The following TRABD2B variants were observed in gnomAD, a reference collection of about 807,000 sequenced individuals.
The protein encoded by TRABD2B is metalloprotease TIKI2.
TRABD2B carries 14 observed loss-of-function variants against 40.1 expected under a neutral mutation model. The observed-to-expected ratio is 0.35, with a 90% CI of 0.23 to 0.55. The LOEUF is 0.55. Among genes scored for constraint, TRABD2B ranks in the 20% least tolerant of loss-of-function variants. TRABD2B has a pLI of 0.90. For synonymous variants in TRABD2B, 263 were observed against 277.0 expected, an observed-to-expected ratio of 0.95 and a Z score of 0.50; for missense variants, 541 against 648.6, an observed-to-expected ratio of 0.83 and a Z score of 1.80.
intron 2 of TRABD2B, among the ~76,000 whole-genome samples, chr1:47,878,834 T>C (rs1644260727): frequency 6.6e-6 from 1 of 152,194 alleles, no homozygotes; most frequent in South Asian, 2.1e-4. Flanking sequence ...CAATGGCTCC[T>C]GCCTGTAATG....
chr1:47,776,565 C>T (rs1196856234), intron 5 of TRABD2B, among the ~76,000 whole-genome samples: 7 of 152,176 alleles, frequency 4.6e-5, no homozygotes, highest in East Asian at 1.9e-4. Context: ...ACACGTGCAC[C>T]GCTTAGCCCA....
At position 47,953,060 on chromosome 1, in the gene TRABD2B, A is replaced by AGGGGAACATTTGCTTG. The variant is rs528884490; in HGVS notation, c.666+40958_666+40973dup. ...AACTCAGCAATCCCTAGCTACCATTAGGGGAACATTTGCTTGGGGGAACAT... is the reference window on the plus strand; with the variant it reads ...AACTCAGCAATCCCTAGCTACCATTAGGGGAACATTTGCTTGGGGGAACATTTGCTTGGGGGAACAT... On this transcript the variant is annotated intron_variant, in intron 2 of 6. Transcript: ENST00000606738. Among the ~76,000 whole-genome samples the AGGGGAACATTTGCTTG allele has an allele frequency of 8.1e-3, 1,240 of 152,276 alleles. 12 individuals carry two copies. Among genetic ancestry groups the AGGGGAACATTTGCTTG allele is most frequent in the Middle Eastern group, 0.034 (10 of 294 alleles).
chr1:47,808,035 G>A (rs1270281696), intron 2 of TRABD2B, among the ~76,000 whole-genome samples: 1 of 152,200 alleles, frequency 6.6e-6, no homozygotes, highest in Non-Finnish European at 1.5e-5. Flanking sequence ...AGATGCTTCT[G>A]TGAAGGTACT....
chr1:47,996,735 C>T lies in TRABD2B; in HGVS notation c.55G>A (p.Ala19Thr), dbSNP rs1310490377. The change falls in exon 1 of 7, where the codon GCC (alanine) becomes ACC (threonine). Residue 19 changes from alanine to threonine, a missense_variant. Around this residue, in one of 2 missense-constraint regions of TRABD2B, gnomAD observed 369 missense variants for 492.8 expected, o/e 0.75. Transcript: ENST00000606738. The surrounding 1 kb of genome is among the most constrained non-coding windows in gnomAD (Gnocchi z 4.6). ...LLAALLATAR[A>T]RPQPPDGGQC... The stretch of plus-strand genomic sequence containing the variant: ...CCTCCGTCCGGGGGCTGCGGGCGGG[C>T]GCGAGCGGTGGCGAGGAGGGCGGCG... 8 of 1,226,478 alleles carry T rather than the reference C, an allele frequency of 6.5e-6. No individual in the cohort carries two copies. Among genetic ancestry groups the T allele is most frequent in the African/African-American group, 1.6e-5 (1 of 64,118 alleles). The allele number at this position is 1,226,478 out of a possible 1,614,324, so 76.0% of individuals were successfully genotyped here.
At chr1:47,822,458 A>AT (rs1645124140) in intron 2 of TRABD2B, among the ~76,000 whole-genome samples, 1 of 151,618 alleles carries the variant, frequency 6.6e-6, no homozygotes, top group African/African-American at 2.4e-5. Flanking sequence ...CACAGGGGTG[A>AT]TGAGGGGAGG....
At chr1:47,818,409 G>T (rs564535612) in intron 2 of TRABD2B, among the ~76,000 whole-genome samples, 2 of 152,334 alleles carry the variant, frequency 1.3e-5, no homozygotes, top group Admixed American at 1.3e-4. Context: ...GACAGGAGTG[G>T]GGTGTTCACA....
At chr1:47,914,726 C>T (rs953914029) in intron 2 of TRABD2B, among the ~76,000 whole-genome samples, 7 of 152,202 alleles carry the variant, frequency 4.6e-5, no homozygotes, top group Non-Finnish European at 1.0e-4. Flanking sequence ...TGGCACTGCT[C>T]AGAAGGCCTG....
At chr1:47,793,994 C>A (rs986102668) in intron 4 of TRABD2B, among the ~76,000 whole-genome samples, 2 of 152,144 alleles carry the variant, frequency 1.3e-5, no homozygotes, top group Non-Finnish European at 2.9e-5. Context: ...TTGCAGCTGC[C>A]TTTTTGAGTT....
intron 2 of TRABD2B, among the ~76,000 whole-genome samples, chr1:47,912,997 T>C (rs1195654632): frequency 6.6e-6 from 1 of 152,206 alleles, no homozygotes; most frequent in Non-Finnish European, 1.5e-5. Flanking sequence ...AGCAGGTTAC[T>C]GACTGATTTC....
At position 47,797,761 on chromosome 1, in the gene TRABD2B, A is replaced by G. The variant is rs561189357; in HGVS notation, c.814-3001T>C. The stretch of plus-strand genomic sequence containing the variant: ...GGGATGGAAGCAAATTAATGATGTC[A>G]TTAGACTTGTTGGGGGCCTTAAATC... On this transcript the variant is annotated intron_variant, in intron 3 of 6. Coordinates refer to ENST00000606738, the MANE Select transcript of TRABD2B (RefSeq NM_001194986.2). Among the ~76,000 whole-genome samples, 16 of 152,268 alleles carry G rather than the reference A, an allele frequency of 1.1e-4. No individual in the cohort carries two copies. In the East Asian group the frequency reaches 3.1e-3, roughly 29 times the overall value.
At chr1:47,795,721 C>T (rs1644739062) in intron 3 of TRABD2B, 1 of 985,198 alleles carries the variant, frequency 1.0e-6, no homozygotes, top group South Asian at 4.7e-5. Flanking sequence ...TTGATTTTCC[C>T]AATGCCTGAG....
In TRABD2B at chr1:47,770,722, TA is replaced by T. The variant is rs369187563; in HGVS notation, c.1349+4447del. On this transcript the variant is annotated intron_variant, in intron 6 of 6. Transcript: ENST00000606738. ...TCCTCTTCCTGTCCCTCACTAGCAC[TA>T]AATGCAGTATGTGCCCAATATGTTC... Among the ~76,000 whole-genome samples the T allele has an allele frequency of 1.0e-3, 158 of 152,344 alleles. 4 individuals carry two copies. The South Asian group carries it at 0.031, about 30-fold the overall frequency.
chr1:47,963,124 C>T (rs1233805153), intron 2 of TRABD2B, among the ~76,000 whole-genome samples: 1 of 152,262 alleles, frequency 6.6e-6, no homozygotes, highest in Non-Finnish European at 1.5e-5. Context: ...TGAGCACAGA[C>T]TGACTTAAAC....
At chr1:47,884,097 C>T (rs931439650) in intron 2 of TRABD2B, among the ~76,000 whole-genome samples, 14 of 152,338 alleles carry the variant, frequency 9.2e-5, no homozygotes, top group African/African-American at 3.1e-4. Flanking sequence ...GCCATAGAGC[C>T]TCTAGTCTCA....
chr1:47,993,303 T>C (rs1646039452), intron 2 of TRABD2B, among the ~76,000 whole-genome samples: 1 of 152,224 alleles, frequency 6.6e-6, no homozygotes, highest in African/African-American at 2.4e-5. Flanking sequence ...GGGCTTTTAA[T>C]GACATTTTGC....
intron 2 of TRABD2B, among the ~76,000 whole-genome samples, chr1:47,909,810 T>G (rs186637572): frequency 3.7e-5 from 1 of 27,044 alleles, no homozygotes; most frequent in Non-Finnish European, 7.0e-5. Context: ...CTTCCTCCCT[T>G]CCTTCCTTCC....
In TRABD2B at chr1:47,761,797, G is replaced by A. The variant is rs1205276959; in HGVS notation, c.*4105C>T. Reference sequence around the variant, plus strand: ...CATCCCCAGACAGCTTTGGCTTGGTGGAAATTATGCCACTGGTGGAACTAA... The same window carrying A: ...CATCCCCAGACAGCTTTGGCTTGGTAGAAATTATGCCACTGGTGGAACTAA... On this transcript the variant is annotated 3_prime_UTR_variant, in exon 7 of 7. Coordinates refer to ENST00000606738, the MANE Select transcript of TRABD2B (RefSeq NM_001194986.2). 1 of 152,226 alleles carries A rather than the reference G, an allele frequency of 6.6e-6. No homozygotes were observed. The highest frequency in any genetic ancestry group is 1.5e-5 in the Non-Finnish European group (1 of 68,080). The allele number at this position is 152,226 out of a possible 1,614,324, so 9.4% of individuals were successfully genotyped here.
chr1:47,976,302 A>C (rs1031131126), intron 2 of TRABD2B, among the ~76,000 whole-genome samples: 1 of 152,124 alleles, frequency 6.6e-6, no homozygotes, highest in African/African-American at 2.4e-5. Flanking sequence ...TTTGTAGAAA[A>C]ATCCAGGATC....
chr1:47,839,316 C>T (rs1238650558), intron 2 of TRABD2B, among the ~76,000 whole-genome samples: 1 of 152,120 alleles, frequency 6.6e-6, no homozygotes, highest in Non-Finnish European at 1.5e-5. Flanking sequence ...TAGCTCTGTG[C>T]ACACCTCCAC....
Sources: allele counts gnomAD v4.1 joint callset (sites outside exome capture counted in the v4.1 genomes callset), GRCh38; gene constraint gnomAD v4.1.1; regional missense constraint gnomAD v4.1.1; non-coding constraint Gnocchi (gnomAD v3.1); transcripts MANE v1.5; gene names NCBI Gene and HGNC (gene_info 2026-07-23, HGNC 2026-07-21).